The following BTBD9 variants were observed in gnomAD, a reference collection of about 807,000 sequenced individuals.
BTBD9 encodes the protein BTB/POZ domain-containing protein 9.
Under a neutral mutation model 64.3 loss-of-function variants are expected in BTBD9, and 49 were observed. That is an observed-to-expected ratio of 0.76 (90% CI 0.61 to 0.97). The LOEUF is 0.97. Among genes scored for constraint, BTBD9 ranks in the 50% least tolerant of loss-of-function variants. The pLI is 0.00. For missense variants in BTBD9, 598 were observed against 762.1 expected (o/e 0.78, Z 2.53); for synonymous variants, 260 against 274.7 (o/e 0.95, Z 0.53).
At chr6:38,291,354 G>T (rs1303806999) in intron 7 of BTBD9, among the ~76,000 whole-genome samples, 1 of 152,190 alleles carries the variant, frequency 6.6e-6, no homozygotes, top group Non-Finnish European at 1.5e-5. Flanking sequence ...TGTAACCTGA[G>T]ACTTTGCTGA....
In BTBD9 at chr6:38,269,613, G is replaced by A. The variant is rs368578289; in HGVS notation, c.1455-13097C>T. 1.6e-3 allele frequency among the ~76,000 whole-genome samples: 241 copies of A among 150,550 alleles called. 1 individual carries two copies. The highest frequency in any genetic ancestry group is 5.6e-3 in the African/African-American group (230 of 41,030). ...GGGCAGTTGCTTTTTTTTTTTCCCT[G>A]CGATCACCTATACTGAACAGGAGGC... On this transcript the variant is annotated intron_variant, in intron 8 of 10. Coordinates refer to ENST00000481247, the MANE Select transcript of BTBD9 (RefSeq NM_001099272.2).
chr6:38,396,755 A>G (rs536789148), intron 6 of BTBD9, among the ~76,000 whole-genome samples: 19 of 152,288 alleles, frequency 1.2e-4, no homozygotes, highest in Non-Finnish European at 2.5e-4. Context: ...TGTAAAATAC[A>G]CACTGGATTT....
intron 6 of BTBD9, among the ~76,000 whole-genome samples, chr6:38,466,971 T>C (rs1181267026): frequency 2.6e-5 from 4 of 152,162 alleles, no homozygotes; most frequent in African/African-American, 9.7e-5. Context: ...AAAATTCAAG[T>C]GCAATTAACA....
At chr6:38,323,426 A>G (rs2127577236) in intron 7 of BTBD9, among the ~76,000 whole-genome samples, 1 of 152,342 alleles carries the variant, frequency 6.6e-6, no homozygotes, top group East Asian at 1.9e-4. Context: ...TAGGAGTAGA[A>G]CAAAGCAGTG....
intron 10 of BTBD9, among the ~76,000 whole-genome samples, chr6:38,180,970 G>A (rs1476037295): frequency 6.6e-6 from 1 of 152,186 alleles, no homozygotes; most frequent in African/African-American, 2.4e-5. Context: ...ACCACATACT[G>A]GAGATAGGCT....
intron 7 of BTBD9, among the ~76,000 whole-genome samples, chr6:38,332,800 C>T (rs1763732080): frequency 1.3e-5 from 2 of 152,028 alleles, no homozygotes; most frequent in Non-Finnish European, 2.9e-5. Context: ...ATTTTCCTAT[C>T]CAGGAATATT....
At chr6:38,465,593 A>G (rs1410201394) in intron 6 of BTBD9, among the ~76,000 whole-genome samples, 5 of 148,836 alleles carry the variant, frequency 3.4e-5, no homozygotes, top group African/African-American at 1.2e-4. Context: ...ACTGGGAGGC[A>G]GGAGAATGGC....
intron 6 of BTBD9, among the ~76,000 whole-genome samples, chr6:38,428,028 A>G (rs1768254370): frequency 6.6e-6 from 1 of 151,932 alleles, no homozygotes; most frequent in Admixed American, 6.5e-5. Flanking sequence ...TTGCATAAAA[A>G]GAGGTAAGCA....
At chr6:38,383,478 T>C (rs1766024353) in intron 6 of BTBD9, among the ~76,000 whole-genome samples, 1 of 152,208 alleles carries the variant, frequency 6.6e-6, no homozygotes, top group Non-Finnish European at 1.5e-5. Context: ...ATGATCACCA[T>C]TGTTCCTTCT....
chr6:38,169,758 C>T lies in BTBD9; in HGVS notation c.*5227G>A, dbSNP rs1171381515. On this transcript the variant is annotated 3_prime_UTR_variant, in exon 11 of 11. Coordinates refer to ENST00000481247, the MANE Select transcript of BTBD9 (RefSeq NM_001099272.2). ...CTCCTGGCTGCAGGGCCTCCTCCAC[C>T]CCCCCTCCCCCCCGCCCATTCAGGG... The T allele has an allele frequency of 7.0e-6, 1 of 142,790 alleles. No homozygotes were observed. The highest frequency in any genetic ancestry group is 2.6e-5 in the African/African-American group (1 of 37,990). The allele number at this position is 142,790 out of a possible 1,614,324, so 8.8% of individuals were successfully genotyped here.
intron 6 of BTBD9, among the ~76,000 whole-genome samples, chr6:38,423,649 T>G (rs1328180468): frequency 6.6e-6 from 1 of 152,150 alleles, no homozygotes; most frequent in African/African-American, 2.4e-5. Context: ...ACACAAATAT[T>G]AATGCCAAAC....
intron 6 of BTBD9, among the ~76,000 whole-genome samples, chr6:38,439,110 CT>C (rs35699356): frequency 0.33 from 21,030 of 64,648 alleles, 1,712 homozygotes; most frequent in East Asian, 0.6. Flanking sequence ...TAGCAACTGA[CT>C]TTTTTTTTTT....
intron 1 of BTBD9, among the ~76,000 whole-genome samples, chr6:38,599,337 G>A (rs1040756430): frequency 6.6e-6 from 1 of 152,122 alleles, no homozygotes; most frequent in African/African-American, 2.4e-5. Context: ...CCAGGCTGTA[G>A]TGCAGTGGCG....
intron 6 of BTBD9, among the ~76,000 whole-genome samples, chr6:38,430,082 A>G (rs1768370391): frequency 1.3e-5 from 2 of 152,010 alleles, no homozygotes; most frequent in Non-Finnish European, 2.9e-5. Flanking sequence ...TACTGAAGAA[A>G]AGTAAAGTAA....
intron 6 of BTBD9, among the ~76,000 whole-genome samples, chr6:38,514,877 A>T (rs1772940648): frequency 6.6e-6 from 1 of 152,218 alleles, no homozygotes; most frequent in South Asian, 2.1e-4. Flanking sequence ...ACAAAGAAAG[A>T]ATTTTTACAA....
At chr6:38,371,479 TGACA>T (rs1393583957) in intron 6 of BTBD9, among the ~76,000 whole-genome samples, 1 of 152,158 alleles carries the variant, frequency 6.6e-6, no homozygotes, top group African/African-American at 2.4e-5. Context: ...ATCCAGCACA[TGACA>T]GACAGGCCCA....
At chr6:38,222,841 C>T (rs373466693) in intron 9 of BTBD9, among the ~76,000 whole-genome samples, 8 of 152,314 alleles carry the variant, frequency 5.3e-5, no homozygotes, top group Non-Finnish European at 7.3e-5. Flanking sequence ...TGTAGCCTCA[C>T]ATGTTCTTTC....
In BTBD9 at chr6:38,587,601, T is replaced by C. The variant is rs1776593024; in HGVS notation, c.814+4975A>G. On this transcript the variant is annotated intron_variant, in intron 4 of 10. Transcript: ENST00000481247. ...CACTGAAATTGACATTATTTGTTAATGGCCAACGAAGACCCCTTGAATCAA... is the reference window on the plus strand; with the variant it reads ...CACTGAAATTGACATTATTTGTTAACGGCCAACGAAGACCCCTTGAATCAA... 3 of 577,286 alleles carry C rather than the reference T, an allele frequency of 5.2e-6. 1 individual carries two copies. The highest frequency in any genetic ancestry group is 3.3e-5 in the South Asian group (2 of 61,502). 35.8% of individuals were successfully genotyped at this position (577,286 alleles called of 1,614,324 possible). A position where few individuals can be genotyped will look rare whatever the true frequency, so the allele number is the denominator to read the frequency against.
At chr6:38,302,611 G>A (rs1762459491) in intron 7 of BTBD9, among the ~76,000 whole-genome samples, 1 of 150,228 alleles carries the variant, frequency 6.7e-6, no homozygotes, top group Admixed American at 6.7e-5. Context: ...TAATAAACAT[G>A]GGAGTGAAGA....
Sources: allele counts gnomAD v4.1 joint callset (sites outside exome capture counted in the v4.1 genomes callset), GRCh38; gene constraint gnomAD v4.1.1; transcripts MANE v1.5; gene names NCBI Gene and HGNC (gene_info 2026-07-23, HGNC 2026-07-21).